The following XRRA1 variants were observed in gnomAD, a reference collection of about 807,000 sequenced individuals.
XRRA1 encodes the protein X-ray radiation resistance associated 1.
Under a neutral mutation model 80.2 loss-of-function variants are expected in XRRA1, and 69 were observed. That is an observed-to-expected ratio of 0.86 (90% confidence interval 0.71 to 1.05). The LOEUF (loss-of-function observed/expected upper bound fraction) is 1.05. Among genes scored for constraint, XRRA1 ranks in the 50% least tolerant of loss-of-function variants. XRRA1 has a pLI of 0.00. For synonymous variants in XRRA1, 348 were observed against 389.9 expected (o/e 0.89, Z 1.27); for missense variants, 967 against 976.4 (o/e 0.99, Z 0.13).
At chr11:74,847,752 A>G (rs902053615) in intron 15 of XRRA1, among the ~76,000 whole-genome samples, 104 of 152,140 alleles carry the variant, frequency 6.8e-4, no homozygotes, top group African/African-American at 2.4e-3. Context: ...CATCTGATCT[A>G]TGTTCCCAGG....
chr11:74,930,422 C>A, intron 5 of XRRA1, 50 bp from the exon 6 acceptor site: 1 of 1,442,770 alleles, frequency 6.9e-7, no homozygotes. Context: ...GATTAGTTCC[C>A]TGCCTAGAAG....
chr11:74,859,884 C>T (rs1246254085), intron 11 of XRRA1, among the ~76,000 whole-genome samples: 1 of 151,996 alleles, frequency 6.6e-6, no homozygotes, highest in Admixed American at 6.6e-5. Context: ...GGGTCATGTT[C>T]TTTTCATACA....
chr11:74,912,465 C>T (rs566569716), intron 8 of XRRA1, among the ~76,000 whole-genome samples: 31 of 152,180 alleles, frequency 2.0e-4, no homozygotes, highest in African/African-American at 4.3e-4. Context: ...GGGCCAGGGG[C>T]GAAAATTGGA....
Position 74,921,338 on chromosome 11 carries a change from G to T in XRRA1, c.532C>A (p.Leu178Ile), listed in dbSNP as rs1940720710. ...GDFKLLEFLD[L>I]SFNSLTVEAI... ...TCCACAGTCAGGCTGTTGAAGGAAA[G>T]GTCCAAGAACTGCCATGCAAAGATG... is the stretch of plus-strand genomic sequence containing the variant. The change falls in exon 8 of 19, where the codon CTT (leucine) becomes ATT (isoleucine). Residue 178 changes from leucine to isoleucine, a missense_variant. Coordinates refer to ENST00000684022, the MANE Select transcript of XRRA1 (RefSeq NM_001378157.1). The T allele has an allele frequency of 6.2e-7, 1 of 1,613,796 alleles. No homozygotes were observed. Among genetic ancestry groups the T allele is most frequent in the South Asian group, 1.1e-5 (1 of 91,074 alleles).
intron 10 of XRRA1, among the ~76,000 whole-genome samples, chr11:74,888,590 G>A (rs1398811866): frequency 1.3e-5 from 2 of 152,234 alleles, no homozygotes; most frequent in Non-Finnish European, 2.9e-5. Flanking sequence ...CGAGTTGAGA[G>A]AAGAAGGCTT....
At chr11:74,928,943 T>C (rs1277294601) in intron 6 of XRRA1, among the ~76,000 whole-genome samples, 4 of 152,160 alleles carry the variant, frequency 2.6e-5, no homozygotes, top group Admixed American at 2.6e-4. Context: ...ATCAGCCCTT[T>C]TCACTCCTGC....
chr11:74,844,345 CT>C, intron 16 of XRRA1, 62 bp from the exon 17 acceptor site: 2 of 1,225,870 alleles, frequency 1.6e-6, no homozygotes, highest in Non-Finnish European at 1.2e-6. Flanking sequence ...GATGCCTCCC[CT>C]GATTGCTTCA....
chr11:74,885,955 A>C (rs1176775619), intron 10 of XRRA1, among the ~76,000 whole-genome samples: 3 of 152,252 alleles, frequency 2.0e-5, no homozygotes, highest in Non-Finnish European at 4.4e-5. Flanking sequence ...AGAACTAAAA[A>C]CAAAAACCAC....
chr11:74,871,463 T>C (rs553104301), intron 10 of XRRA1, among the ~76,000 whole-genome samples: 7 of 152,344 alleles, frequency 4.6e-5, no homozygotes, highest in Non-Finnish European at 8.8e-5. Flanking sequence ...ATCCTGAAAC[T>C]GCTTTTGCAC....
chr11:74,901,280 G>A (rs2137890534), intron 10 of XRRA1, among the ~76,000 whole-genome samples: 1 of 152,134 alleles, frequency 6.6e-6, no homozygotes, highest in South Asian at 2.1e-4. Flanking sequence ...ACCAATGAAA[G>A]AAATTGAAAA....
intron 10 of XRRA1, among the ~76,000 whole-genome samples, chr11:74,866,647 A>G (rs2043475405): frequency 7.9e-6 from 1 of 127,338 alleles, no homozygotes; most frequent in South Asian, 2.3e-4. Flanking sequence ...AAGGAGATTG[A>G]AATAATTAAA....
At position 74,876,914 on chromosome 11, in the gene XRRA1, G is replaced by C. The variant is rs143608172; in HGVS notation, c.1004-13893C>G. 1.5e-4 allele frequency: 23 copies of C among 152,256 alleles called. No homozygotes were observed. In the East Asian group the frequency reaches 4.2e-3, roughly 28 times the overall value. The allele number at this position is 152,256 out of a possible 1,614,324, so 9.4% of individuals were successfully genotyped here. A position where few individuals can be genotyped will look rare whatever the true frequency, so the allele number is the denominator to read the frequency against. ...ACTTCTTTTTGATGCATACTTGTGG[G>C]AAGATTTTGATTATCCATGAGATTA... On this transcript the variant is annotated intron_variant, in intron 10 of 18. Transcript: ENST00000684022.
intron 11 of XRRA1, among the ~76,000 whole-genome samples, chr11:74,860,854 A>G (rs903802478): frequency 7.9e-5 from 12 of 152,192 alleles, no homozygotes; most frequent in African/African-American, 2.2e-4. Flanking sequence ...AGTGATAGGA[A>G]TATCTTTGTT....
intron 10 of XRRA1, among the ~76,000 whole-genome samples, chr11:74,892,626 G>A (rs1456366551): frequency 3.9e-5 from 6 of 151,908 alleles, no homozygotes; most frequent in East Asian, 3.9e-4. Flanking sequence ...GCAACCTACA[G>A]AATGGGAGAA....
chr11:74,928,767 G>A (rs1262378005), intron 6 of XRRA1, among the ~76,000 whole-genome samples: 2 of 152,136 alleles, frequency 1.3e-5, no homozygotes, highest in African/African-American at 4.8e-5. Context: ...TTGTACGAGT[G>A]TGTTACTATA....
At chr11:74,892,104 C>A (rs1178758044) in intron 10 of XRRA1, among the ~76,000 whole-genome samples, 1 of 152,156 alleles carries the variant, frequency 6.6e-6, no homozygotes, top group African/African-American at 2.4e-5. Context: ...CAAGTCAATC[C>A]TAAGCCAAAA....
intron 8 of XRRA1, among the ~76,000 whole-genome samples, chr11:74,909,484 C>G (rs557643421): frequency 6.6e-6 from 1 of 152,348 alleles, no homozygotes; most frequent in East Asian, 1.9e-4. Flanking sequence ...GAAGCTGGCT[C>G]TGTCTCGTCT....
intron 7 of XRRA1, among the ~76,000 whole-genome samples, chr11:74,922,884 T>C (rs1941251856): frequency 6.6e-6 from 1 of 152,056 alleles, no homozygotes; most frequent in African/African-American, 2.4e-5. Context: ...CAGTAAATGC[T>C]TAATGTTGGC....
intron 12 of XRRA1, among the ~76,000 whole-genome samples, chr11:74,856,637 G>C (rs969797535): frequency 1.3e-5 from 2 of 152,240 alleles, no homozygotes; most frequent in Non-Finnish European, 2.9e-5. Context: ...GCGTGGCCTA[G>C]AGTAAACCCC....
Sources: gnomAD v4.1 joint callset for allele counts (sites outside exome capture counted in the v4.1 genomes callset) on GRCh38, gnomAD v4.1.1 for gene constraint, MANE v1.5 for transcripts, NCBI Gene and HGNC (gene_info 2026-07-23, HGNC 2026-07-21) for gene names.